The following LGR4 variants were observed in gnomAD, a reference collection of about 807,000 sequenced individuals.
The protein encoded by LGR4 is leucine rich repeat containing G protein-coupled receptor 4.
LGR4 carries 44 observed loss-of-function variants against 84.8 expected under a neutral mutation model. The observed-to-expected ratio is 0.52, with a 90% CI of 0.41 to 0.67. LGR4 has a LOEUF of 0.67. Ranked by LOEUF, LGR4 falls within the 30% of genes least tolerant of loss-of-function variation. The probability of loss-of-function intolerance (pLI) is 0.00; values close to 1 mark genes in which losing one functional copy is unlikely to be tolerated. For missense variants in LGR4, 1,032 were observed against 1,131.4 expected (o/e 0.91, Z 1.26); for synonymous variants, 429 against 434.3 (o/e 0.99, Z 0.15).
intron 14 of LGR4, 126 bp from the exon 15 acceptor site, chr11:27,373,802 T>C (rs894459204): frequency 3.8e-6 from 4 of 1,047,796 alleles, no homozygotes; most frequent in Admixed American, 4.9e-5. Context: ...GCTAAAATTA[T>C]AGTTCTAGCA....
chr11:27,421,758 GTTTA>G (rs1485530775), intron 1 of LGR4, among the ~76,000 whole-genome samples: 2 of 152,108 alleles, frequency 1.3e-5, no homozygotes, highest in African/African-American at 4.8e-5. Context: ...TTTTGGTTTT[GTTTA>G]TTTGTTTGTT....
intron 1 of LGR4, among the ~76,000 whole-genome samples, chr11:27,418,770 C>T (rs184010651): frequency 6.6e-6 from 1 of 151,734 alleles, no homozygotes; most frequent in Admixed American, 6.6e-5. Context: ...TTTAAAAAAA[C>T]TTGTTTCTAT....
At chr11:27,407,775 T>G (rs1863640146) in intron 2 of LGR4, among the ~76,000 whole-genome samples, 1 of 152,138 alleles carries the variant, frequency 6.6e-6, no homozygotes, top group South Asian at 2.1e-4. Flanking sequence ...TTTCTGAGTT[T>G]GACAATCATC....
chr11:27,382,168 GAGAATGAAGC>G lies in LGR4; in HGVS notation c.758+10_758+19del, dbSNP rs776903959. 1 of 1,515,926 alleles carries G rather than the reference GAGAATGAAGC, an allele frequency of 6.6e-7. No homozygotes were observed. The highest frequency in any genetic ancestry group is 1.1e-5 in the South Asian group (1 of 87,284). 93.9% of individuals were successfully genotyped at this position (1,515,926 alleles called of 1,614,324 possible). Reference sequence around the variant, plus strand: ...AGTTTCAGGGATATGAAGACATAAAGAGAATGAAGCAATACTCACAGCTCTTTAAGGCTAG... The same window carrying G: ...AGTTTCAGGGATATGAAGACATAAAGAATACTCACAGCTCTTTAAGGCTAG... On this transcript the variant is annotated intron_variant, in intron 7 of 17. Coordinates refer to ENST00000379214, the MANE Select transcript of LGR4 (RefSeq NM_018490.5).
At chr11:27,438,002 C>G (rs1444707302) in intron 1 of LGR4, among the ~76,000 whole-genome samples, 1 of 151,872 alleles carries the variant, frequency 6.6e-6, no homozygotes, top group Non-Finnish European at 1.5e-5. Flanking sequence ...AGCAACACAG[C>G]AAGACTCTCC....
intron 11 of LGR4, among the ~76,000 whole-genome samples, chr11:27,378,076 ATG>A (rs1416660040): frequency 1.3e-5 from 2 of 152,190 alleles, no homozygotes; most frequent in Non-Finnish European, 2.9e-5. Context: ...AGCATACTCT[ATG>A]ATTTTCACAC....
intron 2 of LGR4, among the ~76,000 whole-genome samples, chr11:27,410,816 G>C (rs1863696634): frequency 2.0e-5 from 3 of 152,008 alleles, no homozygotes; most frequent in South Asian, 4.1e-4. Flanking sequence ...TCATTACTAT[G>C]ATAGGAGAAT....
At chr11:27,377,125 A>C in intron 12 of LGR4, 33 bp downstream of exon 12, 1 of 1,357,372 alleles carries the variant, frequency 7.4e-7, no homozygotes, top group Non-Finnish European at 1.0e-6. Flanking sequence ...ACAATACACC[A>C]CAACAAAAGG....
chr11:27,455,226 T>G lies in LGR4; in HGVS notation c.185+16892A>C, dbSNP rs1300796837. 7.2e-5 allele frequency among the ~76,000 whole-genome samples: 11 copies of G among 152,188 alleles called. No homozygotes were observed. The South Asian group carries it at 1.2e-3, about 17-fold the overall frequency. On this transcript the variant is annotated intron_variant, in intron 1 of 17. Transcript: ENST00000379214. ...TAATTTATTTTTTGTACAGATGGGG[T>G]GTTTCATTTTTAACATACCCTGGAG... is the stretch of plus-strand genomic sequence containing the variant.
At chr11:27,457,724 G>T (rs901341371) in intron 1 of LGR4, among the ~76,000 whole-genome samples, 6 of 152,154 alleles carry the variant, frequency 3.9e-5, no homozygotes, top group African/African-American at 1.4e-4. Flanking sequence ...TATTTATGGT[G>T]GCTTTATTTA....
chr11:27,377,278 A>G (rs1376707477), intron 11 of LGR4, 55 bp from the exon 12 acceptor site: 4 of 915,014 alleles, frequency 4.4e-6, no homozygotes, highest in Non-Finnish European at 7.0e-6. Flanking sequence ...TATTATATTA[A>G]AAGAGTGGTA....
At chr11:27,446,620 A>G (rs1463729374) in intron 1 of LGR4, among the ~76,000 whole-genome samples, 1 of 152,212 alleles carries the variant, frequency 6.6e-6, no homozygotes, top group Admixed American at 6.5e-5. Context: ...TGTGGAGGAC[A>G]ATGTGGTGAT....
intron 3 of LGR4, 101 bp downstream of exon 3, chr11:27,392,346 C>T: frequency 1.1e-6 from 1 of 940,130 alleles, no homozygotes; most frequent in South Asian, 2.0e-5. Flanking sequence ...TCTTTTAATC[C>T]TGAACTAAAA....
intron 4 of LGR4, among the ~76,000 whole-genome samples, chr11:27,390,728 T>G (rs1011446212): frequency 3.3e-5 from 5 of 152,188 alleles, no homozygotes; most frequent in South Asian, 2.1e-4. Context: ...TGATTATCAT[T>G]ACCACACGAA....
intron 4 of LGR4, among the ~76,000 whole-genome samples, chr11:27,388,781 C>T (rs1863232088): frequency 6.6e-6 from 1 of 152,008 alleles, no homozygotes; most frequent in South Asian, 2.1e-4. Flanking sequence ...GTGTTATAAA[C>T]ATATTTTAAA....
At chr11:27,390,050 C>T (rs1428589523) in intron 4 of LGR4, among the ~76,000 whole-genome samples, 1 of 152,062 alleles carries the variant, frequency 6.6e-6, no homozygotes, top group Non-Finnish European at 1.5e-5. Flanking sequence ...TTTAACTTTA[C>T]AGCATATATT....
chr11:27,458,264 A>G (rs764044979), intron 1 of LGR4, among the ~76,000 whole-genome samples: 3 of 152,208 alleles, frequency 2.0e-5, no homozygotes, highest in African/African-American at 4.8e-5. Flanking sequence ...ATGGCATCCT[A>G]ATAAAGGCAA....
chr11:27,447,888 G>T (rs995061969), intron 1 of LGR4, among the ~76,000 whole-genome samples: 1 of 152,058 alleles, frequency 6.6e-6, no homozygotes, highest in Non-Finnish European at 1.5e-5. Context: ...CCAAAGTATC[G>T]CATTTCACTA....
At chr11:27,461,185 C>G (rs1003884094) in intron 1 of LGR4, among the ~76,000 whole-genome samples, 1 of 151,782 alleles carries the variant, frequency 6.6e-6, no homozygotes, top group Non-Finnish European at 1.5e-5. Flanking sequence ...TCTTTAGCTA[C>G]AAAACCAAGC....
Sources: gnomAD v4.1 joint callset for allele counts (sites outside exome capture counted in the v4.1 genomes callset) on GRCh38, gnomAD v4.1.1 for gene constraint, MANE v1.5 for transcripts, NCBI Gene and HGNC (gene_info 2026-07-23, HGNC 2026-07-21) for gene names.